Variants in CRYGD observed in about 807,000 individuals in gnomAD.
The protein encoded by CRYGD is crystallin gamma D, also known as gamma-crystallin D.
CRYGD carries 13 observed loss-of-function variants against 11.3 expected under a neutral mutation model. The observed-to-expected ratio is 1.15, with a 90% CI of 0.75 to 1.83. The LOEUF (loss-of-function observed/expected upper bound fraction) is 1.83, where lower values mean the gene tolerates loss of function less well. Among genes scored for constraint, CRYGD ranks in the 40% most tolerant of loss-of-function variants. The pLI is 0.00. For missense variants in CRYGD, 231 were observed against 229.9 expected, an observed-to-expected ratio of 1.00 and a Z score of -0.03; for synonymous variants, 77 against 89.5, an observed-to-expected ratio of 0.86 and a Z score of 0.79.
Position 208,124,317 on chromosome 2 carries a change from T to C in CRYGD, c.47A>G (p.His16Arg). The change falls in exon 2 of 3, where the codon CAC (histidine) becomes CGC (arginine). Residue 16 changes from histidine to arginine, a missense_variant. Transcript: ENST00000264376. ...LYEDRGFQGR[H>R]YECSSDHPNL... ...GGGGTGGTCGCTGCTGCATTCATAG[T>C]GGCGGCCCTGGAAGCCCCGGTCCTC... The C allele has an allele frequency of 6.2e-7, 1 of 1,610,124 alleles. No homozygotes were observed. The highest frequency in any genetic ancestry group is 8.5e-7 in the Non-Finnish European group (1 of 1,178,810).
At position 208,121,842 on chromosome 2, in the gene CRYGD, T is replaced by C. The variant is rs370051610; in HGVS notation, c.356A>G (p.Asn119Ser). 6.2e-6 allele frequency: 10 copies of C among 1,614,178 alleles called. No homozygotes were observed. Among genetic ancestry groups the C allele is most frequent in the Middle Eastern group, 1.6e-4 (1 of 6,062 alleles). Residue 119 changes from asparagine to serine, a missense_variant, in exon 3 of 3, where the codon AAT becomes AGT. Coordinates refer to ENST00000264376, the MANE Select transcript of CRYGD (RefSeq NM_006891.4). ...CSCLQDRFRF[N>S]EIHSLNVLEG... ...CAGCACGTTGAGGGAGTGGATTTCA[T>C]TGAAGCGGAAGCGGTCCTGAAGACA... is the stretch of plus-strand genomic sequence containing the variant.
At chr2:208,124,419 C>T (rs1381099146) in intron 1 of CRYGD, 46 bp downstream of exon 1, 3 of 1,597,276 alleles carry the variant, frequency 1.9e-6, no homozygotes, top group African/African-American at 1.3e-5. Context: ...CTCTGGCCCC[C>T]GCGATGGAGG....
intron 2 of CRYGD, among the ~76,000 whole-genome samples, chr2:208,123,839 G>T (rs534926521): frequency 6.6e-6 from 1 of 152,300 alleles, no homozygotes; most frequent in East Asian, 1.9e-4. Context: ...CATTCTAAAT[G>T]ATTCCAGAAT....
At position 208,121,798 on chromosome 2, in the gene CRYGD, A is replaced by T; in HGVS notation, c.400T>A (p.Tyr134Asn). ...CGTCCTCGGTAGTTGGACAGCTCGT[A>T]GAGGACCCAGGAGCCCTCCAGCACG... ...LNVLEGSWVLYELSNYRGRQY... is the reference protein window; with the variant it reads ...LNVLEGSWVLNELSNYRGRQY... The change falls in exon 3 of 3, where the codon TAC becomes AAC. Residue 134 changes from tyrosine (Y) to asparagine (N), a missense_variant. Transcript: ENST00000264376. 6.2e-7 allele frequency: 1 copy of T among 1,614,182 alleles called. No homozygotes were observed. Among genetic ancestry groups the T allele is most frequent in the Non-Finnish European group, 8.5e-7 (1 of 1,180,036 alleles).
chr2:208,122,033 G>C, intron 2 of CRYGD, 88 bp from the exon 3 acceptor site: 1 of 1,582,356 alleles, frequency 6.3e-7, no homozygotes, highest in African/African-American at 1.3e-5. Context: ...GTGAGGACCC[G>C]CTCAAGCCAT....
rs1219708986 is a variant in CRYGD, at chr2:208,124,336, G to A, written c.28C>T (p.Arg10Trp). 6.2e-7 allele frequency: 1 copy of A among 1,610,640 alleles called. No individual in the cohort carries two copies. The highest frequency in any genetic ancestry group is 8.5e-7 in the Non-Finnish European group (1 of 1,179,088). Residue 10 changes from arginine (R) to tryptophan (W), a missense_variant, in exon 2 of 3, where the codon CGG (arginine) becomes TGG (tryptophan). Physicochemically the swap from Arg to Trp is moderately radical, Grantham distance 101. Transcript: ENST00000264376. ...TCATAGTGGCGGCCCTGGAAGCCCCGGTCCTCGTAGAGGGTGATCTGCAAG... is the reference window on the plus strand; with the variant it reads ...TCATAGTGGCGGCCCTGGAAGCCCCAGTCCTCGTAGAGGGTGATCTGCAAG... MGKITLYED[R>W]GFQGRHYECS...
At position 208,124,122 on chromosome 2, in the gene CRYGD, A is replaced by G; in HGVS notation, c.242T>C (p.Leu81Pro). The change falls in exon 2 of 3, where the codon CTC becomes CCC. Residue 81 changes from leucine (L) to proline (P), a missense_variant. Coordinates refer to ENST00000264376, the MANE Select transcript of CRYGD (RefSeq NM_006891.4). ...GLSDSVRSCR[L>P]IPHSGSHRIR... ...TGAGGATGTACTCACGTGGGGGATG[A>G]GGCGGCAGGAGCGGACCGAGTCGCT... 1.9e-6 allele frequency: 3 copies of G among 1,611,684 alleles called. No individual in the cohort carries two copies. Among genetic ancestry groups the G allele is most frequent in the Non-Finnish European group, 2.5e-6 (3 of 1,179,870 alleles).
rs770593386 is a variant in CRYGD, at chr2:208,121,797, T to C, written c.401A>G (p.Tyr134Cys). ...CCGTCCTCGGTAGTTGGACAGCTCG[T>C]AGAGGACCCAGGAGCCCTCCAGCAC... is the stretch of plus-strand genomic sequence containing the variant. ...LNVLEGSWVL[Y>C]ELSNYRGRQY... The change falls in exon 3 of 3, where the codon TAC becomes TGC. Residue 134 changes from tyrosine (Y) to cysteine (C), a missense_variant. Coordinates refer to ENST00000264376, the MANE Select transcript of CRYGD (RefSeq NM_006891.4). 6 of 1,614,038 alleles carry C rather than the reference T, an allele frequency of 3.7e-6. No individual in the cohort carries two copies. The highest frequency in any genetic ancestry group is 4.5e-5 in the East Asian group (2 of 44,900).
chr2:208,121,913 T>C lies in CRYGD; in HGVS notation c.285A>G (p.Arg95=), dbSNP rs2305430. 0.89 allele frequency: 1,442,439 copies of C among 1,614,034 alleles called. 649,097 individuals are homozygous for C. Among genetic ancestry groups the C allele is most frequent in the Non-Finnish European group, 0.92 (1,089,900 of 1,180,010 alleles). Residue 95 remains arginine (R), a synonymous_variant, in exon 3 of 3, where the codon AGA becomes AGG. Transcript: ENST00000264376. ...CTATCATCTGGCCTCTGTAGTCCTC[T>C]CTCTCATAGAGTCTGATCCTGTGAG... ...SGSHRIRLYE[R]EDYRGQMIEF... is the part of the protein sequence containing the mutation.
At chr2:208,123,871 C>G (rs1694920941) in intron 2 of CRYGD, among the ~76,000 whole-genome samples, 1 of 152,148 alleles carries the variant, frequency 6.6e-6, no homozygotes, top group Admixed American at 6.5e-5. Flanking sequence ...CTTATACAAC[C>G]CCTAGGGCAG....
At position 208,124,278 on chromosome 2, in the gene CRYGD, T is replaced by C. The variant is rs1430734755; in HGVS notation, c.86A>G (p.Tyr29Cys). 64 of 1,611,674 alleles carry C rather than the reference T, an allele frequency of 4.0e-5. No homozygotes were observed. Among genetic ancestry groups the C allele is most frequent in the Middle Eastern group, 1.7e-4 (1 of 5,930 alleles). ...GCGCGCCGAGTTGCAGCGGCTCAAGTAGGGCTGCAGGTTGGGGTGGTCGCT... is the reference window on the plus strand; with the variant it reads ...GCGCGCCGAGTTGCAGCGGCTCAAGCAGGGCTGCAGGTTGGGGTGGTCGCT... ...CSSDHPNLQP[Y>C]LSRCNSARVD... Residue 29 changes from tyrosine to cysteine, a missense_variant, in exon 2 of 3, where the codon TAC becomes TGC. Physicochemically the swap from Tyr to Cys is radical, Grantham distance 194. Transcript: ENST00000264376.
chr2:208,121,899 C>A lies in CRYGD; in HGVS notation c.299G>T (p.Gly100Val). Residue 100 changes from glycine (G) to valine (V), a missense_variant, in exon 3 of 3, where the codon GGC (glycine) becomes GTC (valine). Transcript: ENST00000264376. ...GTCCTCAGTGAACTCTATCATCTGG[C>A]CTCTGTAGTCCTCTCTCTCATAGAG... is the stretch of plus-strand genomic sequence containing the variant. ...IRLYEREDYRGQMIEFTEDCS... is the reference protein window; with the variant it reads ...IRLYEREDYRVQMIEFTEDCS... The A allele has an allele frequency of 6.2e-7, 1 of 1,614,140 alleles. No homozygotes were observed. The highest frequency in any genetic ancestry group is 8.5e-7 in the Non-Finnish European group (1 of 1,180,020).
chr2:208,121,877 C>T lies in CRYGD; in HGVS notation c.321G>A (p.Glu107=). ...DYRGQMIEFT[E]DCSCLQDRFR... The stretch of plus-strand genomic sequence containing the variant: ...AGCGGTCCTGAAGACAGGAGCAGTC[C>T]TCAGTGAACTCTATCATCTGGCCTC... Residue 107 remains glutamate, a synonymous_variant, in exon 3 of 3, where the codon GAG becomes GAA. Transcript: ENST00000264376. The T allele has an allele frequency of 4.3e-6, 7 of 1,614,128 alleles. No individual in the cohort carries two copies. Among genetic ancestry groups the T allele is most frequent in the South Asian group, 2.2e-5 (2 of 91,086 alleles).
At chr2:208,123,464 A>C (rs1694913120) in intron 2 of CRYGD, among the ~76,000 whole-genome samples, 1 of 148,810 alleles carries the variant, frequency 6.7e-6, no homozygotes, top group African/African-American at 2.4e-5. Context: ...AAATATTTAA[A>C]ATATATTAAA....
rs924490169 is a variant in CRYGD, at chr2:208,124,325, C to T, written c.39G>A (p.Gln13=). Residue 13 remains glutamine (Q), a synonymous_variant, in exon 2 of 3, where the codon CAG becomes CAA. Transcript: ENST00000264376. ...KITLYEDRGF[Q]GRHYECSSDH... ...CGCTGCTGCATTCATAGTGGCGGCC[C>T]TGGAAGCCCCGGTCCTCGTAGAGGG... 1 of 1,610,388 alleles carries T rather than the reference C, an allele frequency of 6.2e-7. No individual in the cohort carries two copies. The highest frequency in any genetic ancestry group is 8.5e-7 in the Non-Finnish European group (1 of 1,179,066).
intron 2 of CRYGD, among the ~76,000 whole-genome samples, chr2:208,123,614 A>G (rs1413390241): frequency 6.6e-6 from 1 of 152,164 alleles, no homozygotes; most frequent in Non-Finnish European, 1.5e-5. Flanking sequence ...GTGTTCTAAC[A>G]CACATATGGG....
In CRYGD at chr2:208,121,698, A is replaced by G. The variant is rs764290708; in HGVS notation, c.500T>C (p.Leu167Pro). Residue 167 changes from leucine (L) to proline (P), a missense_variant, in exon 3 of 3, where the codon CTG becomes CCG. Coordinates refer to ENST00000264376, the MANE Select transcript of CRYGD (RefSeq NM_006891.4). Reference protein sequence around the residue: ...WGATNARVGSLRRVIDFS With the variant: ...WGATNARVGSPRRVIDFS ...TCAGGAGAAATCTATGACTCTCCTC[A>G]GAGAGCCCACTCTGGCATTCGTGGC... 6.2e-7 allele frequency: 1 copy of G among 1,613,786 alleles called. No individual in the cohort carries two copies. Among genetic ancestry groups the G allele is most frequent in the South Asian group, 1.1e-5 (1 of 91,072 alleles).
In CRYGD at chr2:208,123,309, A is replaced by T. The variant is rs181561834; in HGVS notation, c.252+803T>A. Among the ~76,000 whole-genome samples the T allele has an allele frequency of 1.8e-3, 260 of 146,948 alleles. 1 individual carries two copies. The highest frequency in any genetic ancestry group is 6.0e-3 in the African/African-American group (246 of 40,778). The stretch of plus-strand genomic sequence containing the variant: ...AAATATAAAAATATGTATTTTAAAT[A>T]TAAGTATTTAAAATATATTAAATAT... On this transcript the variant is annotated intron_variant, in intron 2 of 2. Coordinates refer to ENST00000264376, the MANE Select transcript of CRYGD (RefSeq NM_006891.4).
rs373093118 is a variant in CRYGD at position 208,121,637 on chromosome 2, G to T, written c.*36C>A. The T allele has an allele frequency of 1.8e-5, 29 of 1,604,838 alleles. No individual in the cohort carries two copies. In the South Asian group the frequency reaches 1.9e-4, roughly 10 times the overall value. On this transcript the variant is annotated 3_prime_UTR_variant, in exon 3 of 3. Transcript: ENST00000264376. ...GGAACACACAGAAAATATTTTATTA[G>T]TTTCCAAATTAAGAAACAACAAAAG...
Sources: gnomAD v4.1 joint callset for allele counts (sites outside exome capture counted in the v4.1 genomes callset) on GRCh38, gnomAD v4.1.1 for gene constraint, MANE v1.5 for transcripts, NCBI Gene and HGNC (gene_info 2026-07-23, HGNC 2026-07-21) for gene names.